DERA: variants seen among roughly 807,000 people sequenced by gnomAD.
DERA encodes 2-deoxy-D-ribose 5-phosphate aldolase.
A neutral mutation model predicts 41.1 loss-of-function variants in DERA; 15 were observed. The observed-to-expected ratio is 0.37, with a 90% confidence interval of 0.24 to 0.56. The LOEUF is 0.56. DERA is among the 20% of genes least tolerant of loss of function. The probability of loss-of-function intolerance (pLI) is 0.81; values close to 1 mark genes in which losing one functional copy is unlikely to be tolerated. For missense variants in DERA, 396 were observed against 403.4 expected (o/e 0.98, Z 0.16); for synonymous variants, 139 against 137.4 (o/e 1.01, Z -0.08).
rs1222343402 is a variant in DERA, at chr12:15,995,884, A to G, written c.637+13448A>G. ...AGATTTTTCTCTCTTAACTCAAAGTAGTAGGACTAGGACCAACTTTTAGAC... is the reference window on the plus strand; with the variant it reads ...AGATTTTTCTCTCTTAACTCAAAGTGGTAGGACTAGGACCAACTTTTAGAC... On this transcript the variant is annotated intron_variant, in intron 6 of 8. Transcript: ENST00000428559. This position sits in a 1 kb window ranked among gnomAD's most constrained non-coding sequence, Gnocchi z 5.1. Among the ~76,000 whole-genome samples, 2 of 152,194 alleles carry G rather than the reference A, an allele frequency of 1.3e-5. No individual in the cohort carries two copies. Among genetic ancestry groups the G allele is most frequent in the African/African-American group, 4.8e-5 (2 of 41,454 alleles).
At position 15,987,035 on chromosome 12, in the gene DERA, A is replaced by G. The variant is rs1273377825; in HGVS notation, c.637+4599A>G. On this transcript the variant is annotated intron_variant, in intron 6 of 8. Transcript: ENST00000428559. Reference sequence around the variant, plus strand: ...ATCCCATTTCTTCTTGTTTCCTTGTATGTAATATCTTATCTTACTCTAGCT... The same window carrying G: ...ATCCCATTTCTTCTTGTTTCCTTGTGTGTAATATCTTATCTTACTCTAGCT... Among the ~76,000 whole-genome samples the G allele has an allele frequency of 4.6e-5, 7 of 152,104 alleles. No individual in the cohort carries two copies. In the East Asian group the frequency reaches 9.7e-4, roughly 21 times the overall value.
chr12:15,964,823 A>G (rs1948612043), intron 5 of DERA, among the ~76,000 whole-genome samples: 1 of 152,244 alleles, frequency 6.6e-6, no homozygotes, highest in Non-Finnish European at 1.5e-5. Flanking sequence ...AAAATACAAT[A>G]GGAGATGGGT....
Position 16,036,626 on chromosome 12 carries a change from T to C in DERA, c.901-64T>C. 1 of 1,214,440 alleles carries C rather than the reference T, an allele frequency of 8.2e-7. No individual in the cohort carries two copies. Among genetic ancestry groups the C allele is most frequent in the South Asian group, 1.3e-5 (1 of 74,758 alleles). The allele number at this position is 1,214,440 out of a possible 1,614,324, so 75.2% of individuals were successfully genotyped here. A position where few individuals can be genotyped will look rare whatever the true frequency, so the allele number is the denominator to read the frequency against. On this transcript the variant is annotated intron_variant, in intron 8 of 8. Coordinates refer to ENST00000428559, the MANE Select transcript of DERA (RefSeq NM_015954.4). This position sits in a 1 kb window ranked among gnomAD's most constrained non-coding sequence, Gnocchi z 4.9. ...AACTATTTATTATTATTTGATAGTATAATTATTAACTGATGTGTATAATTA... is the reference window on the plus strand; with the variant it reads ...AACTATTTATTATTATTTGATAGTACAATTATTAACTGATGTGTATAATTA...
chr12:15,925,938 C>T (rs1015513469), intron 1 of DERA, among the ~76,000 whole-genome samples: 3 of 145,056 alleles, frequency 2.1e-5, no homozygotes, highest in Admixed American at 6.6e-5. Context: ...AGCAATTCTC[C>T]TGCCTCCCGA....
In DERA at chr12:15,981,799, T is replaced by G. The variant is rs1948734615; in HGVS notation, c.509-509T>G. The stretch of plus-strand genomic sequence containing the variant: ...TTTTTAGTCAGATATATAAACATAC[T>G]CTGGCAGGCAGTGGGGCAAGCTGCT... On this transcript the variant is annotated intron_variant, in intron 5 of 8. Transcript: ENST00000428559. This position sits in a 1 kb window ranked among gnomAD's most constrained non-coding sequence, Gnocchi z 6.1. Among the ~76,000 whole-genome samples, 1 of 152,166 alleles carries G rather than the reference T, an allele frequency of 6.6e-6. No homozygotes were observed. Among genetic ancestry groups the G allele is most frequent in the South Asian group, 2.1e-4 (1 of 4,832 alleles).
intron 6 of DERA, among the ~76,000 whole-genome samples, chr12:16,029,248 C>G (rs925409334): frequency 6.6e-6 from 1 of 152,084 alleles, no homozygotes; most frequent in African/African-American, 2.4e-5. Flanking sequence ...CGGTGAAACC[C>G]GGTCTCTACT....
At chr12:16,025,762 T>C (rs1005481218) in intron 6 of DERA, among the ~76,000 whole-genome samples, 6 of 152,098 alleles carry the variant, frequency 3.9e-5, no homozygotes, top group Non-Finnish European at 8.8e-5. Context: ...TATTCAATGT[T>C]CACATGGAAC....
chr12:15,946,782 C>G (rs28819099), intron 1 of DERA, among the ~76,000 whole-genome samples: 1 of 151,930 alleles, frequency 6.6e-6, no homozygotes, highest in African/African-American at 2.4e-5. Flanking sequence ...TAAATGTGTT[C>G]GCTCTTGCTT....
intron 6 of DERA, among the ~76,000 whole-genome samples, chr12:16,027,236 G>A (rs1158443938): frequency 6.6e-6 from 1 of 152,164 alleles, no homozygotes; most frequent in Non-Finnish European, 1.5e-5. Context: ...TAAGGATAAG[G>A]CAAGGATATT....
rs186026584 is a variant in DERA, at chr12:15,981,202, C to T, written c.509-1106C>T. On this transcript the variant is annotated intron_variant, in intron 5 of 8. Transcript: ENST00000428559. The surrounding 1 kb of genome is among the most constrained non-coding windows in gnomAD (Gnocchi z 6.1). ...TCTCTACTAAAACTACAAAAAGTTA[C>T]CCAGGCGTGGTGGCAGGCGCCTGTA... Among the ~76,000 whole-genome samples, 321 of 152,028 alleles carry T rather than the reference C, an allele frequency of 2.1e-3. 3 individuals carry two copies. Among genetic ancestry groups the T allele is most frequent in the African/African-American group, 7.2e-3 (298 of 41,492 alleles).
rs1024068093 is a variant in DERA at position 16,009,379 on chromosome 12, C to G, written c.638-23163C>G. Among the ~76,000 whole-genome samples the G allele has an allele frequency of 1.3e-5, 2 of 152,114 alleles. No homozygotes were observed. Among genetic ancestry groups the G allele is most frequent in the Non-Finnish European group, 2.9e-5 (2 of 68,018 alleles). ...TTAACTGTTCATCCTATATACAATA[C>G]TTTTTAGATCTTTATACTTTAAATT... On this transcript the variant is annotated intron_variant, in intron 6 of 8. Coordinates refer to ENST00000428559, the MANE Select transcript of DERA (RefSeq NM_015954.4). The surrounding 1 kb of genome is among the most constrained non-coding windows in gnomAD (Gnocchi z 5.3).
At chr12:15,955,456 G>T (rs1469064909) in intron 1 of DERA, among the ~76,000 whole-genome samples, 1 of 152,122 alleles carries the variant, frequency 6.6e-6, no homozygotes, top group Non-Finnish European at 1.5e-5. Flanking sequence ...GATTTCATCG[G>T]CCTGACCCCA....
In DERA at chr12:16,000,570, G is replaced by A. The variant is rs1948868127; in HGVS notation, c.637+18134G>A. On this transcript the variant is annotated intron_variant, in intron 6 of 8. Coordinates refer to ENST00000428559, the MANE Select transcript of DERA (RefSeq NM_015954.4). The surrounding 1 kb of genome is among the most constrained non-coding windows in gnomAD (Gnocchi z 4.8). ...TGTAAAAAATTTATCACCAACTGGG[G>A]CATTGAAAGTAAGTTTCCTATGTTA... Among the ~76,000 whole-genome samples, 1 of 152,160 alleles carries A rather than the reference G, an allele frequency of 6.6e-6. No homozygotes were observed. Among genetic ancestry groups the A allele is most frequent in the South Asian group, 2.1e-4 (1 of 4,830 alleles).
In DERA at chr12:16,008,621, G is replaced by A. The variant is rs1948928584; in HGVS notation, c.638-23921G>A. Among the ~76,000 whole-genome samples the A allele has an allele frequency of 6.6e-6, 1 of 152,196 alleles. No individual in the cohort carries two copies. Among genetic ancestry groups the A allele is most frequent in the Non-Finnish European group, 1.5e-5 (1 of 68,034 alleles). On this transcript the variant is annotated intron_variant, in intron 6 of 8. Transcript: ENST00000428559. The surrounding 1 kb of genome is among the most constrained non-coding windows in gnomAD (Gnocchi z 4.8). Reference sequence around the variant, plus strand: ...GATTGAGTGTGGCCACAGATAGCACGGAACATGATAACGGTGGCTTAAATT... The same window carrying A: ...GATTGAGTGTGGCCACAGATAGCACAGAACATGATAACGGTGGCTTAAATT...
chr12:16,029,903 T>C (rs1049081867), intron 6 of DERA, among the ~76,000 whole-genome samples: 2 of 143,838 alleles, frequency 1.4e-5, no homozygotes, highest in African/African-American at 5.0e-5. Context: ...CCTCCAAATG[T>C]AGCCTTGGTC....
At chr12:15,960,636 CAAAAAAAAAA>C (rs1163104277) in intron 4 of DERA, among the ~76,000 whole-genome samples, 8 of 28,716 alleles carry the variant, frequency 2.8e-4, no homozygotes, top group African/African-American at 7.6e-4. Context: ...GACTCCGTCT[CAAAAAAAAAA>C]AAAAAAAAAA....
rs180736245 is a variant in DERA, at chr12:15,953,439, C to T, written c.32-3497C>T. Among the ~76,000 whole-genome samples, 21 of 152,192 alleles carry T rather than the reference C, an allele frequency of 1.4e-4. No homozygotes were observed. In the East Asian group the frequency reaches 2.9e-3, roughly 21 times the overall value. ...GGGAAAATGACCTCCATCTCCACTA[C>T]GACTTGAACCAGAAATAATAATAAT... On this transcript the variant is annotated intron_variant, in intron 1 of 8. Transcript: ENST00000428559.
chr12:15,971,611 G>A (rs899261639), intron 5 of DERA, among the ~76,000 whole-genome samples: 5 of 147,932 alleles, frequency 3.4e-5, no homozygotes, highest in African/African-American at 1.3e-4. Flanking sequence ...CTGCCTCCCA[G>A]GTTCAAGAGA....
rs1948864183 is a variant in DERA at position 16,000,046 on chromosome 12, G to T, written c.637+17610G>T. On this transcript the variant is annotated intron_variant, in intron 6 of 8. Transcript: ENST00000428559. This position sits in a 1 kb window ranked among gnomAD's most constrained non-coding sequence, Gnocchi z 4.8. ...GCAGTGGGTATGGAGCAGAGTAGATGCCTGTGGGACATATCGGGGGGCAAA... is the reference window on the plus strand; with the variant it reads ...GCAGTGGGTATGGAGCAGAGTAGATTCCTGTGGGACATATCGGGGGGCAAA... Among the ~76,000 whole-genome samples the T allele has an allele frequency of 6.6e-6, 1 of 152,178 alleles. No homozygotes were observed. Among genetic ancestry groups the T allele is most frequent in the East Asian group, 1.9e-4 (1 of 5,198 alleles).
Sources: allele counts gnomAD v4.1 joint callset (sites outside exome capture counted in the v4.1 genomes callset), GRCh38; gene constraint gnomAD v4.1.1; non-coding constraint Gnocchi (gnomAD v3.1); transcripts MANE v1.5; gene names NCBI Gene and HGNC (gene_info 2026-07-23, HGNC 2026-07-21).